ATRNL1: variants seen among roughly 807,000 people sequenced by gnomAD.
ATRNL1 encodes the protein attractin like 1.
In ATRNL1, 95 loss-of-function variants were observed where a neutral mutation model predicts 182.7. The observed-to-expected ratio is 0.52, with a 90% CI of 0.44 to 0.62. ATRNL1 has a LOEUF of 0.62. ATRNL1 is among the 20% of genes least tolerant of loss of function. The probability of loss-of-function intolerance (pLI) is 0.00; values close to 1 mark genes in which losing one functional copy is unlikely to be tolerated. For missense variants in ATRNL1, 1,471 were observed against 1,679.5 expected, an observed-to-expected ratio of 0.88 and a Z score of 2.17; for synonymous variants, 576 against 568.3, an observed-to-expected ratio of 1.01 and a Z score of -0.19.
rs1430776353 is a variant in ATRNL1 at position 115,338,329 on chromosome 10, C to G, written c.3175+3910C>G. On this transcript the variant is annotated intron_variant, in intron 19 of 28. Coordinates refer to ENST00000355044, the MANE Select transcript of ATRNL1 (RefSeq NM_207303.4). ...AACCTTCAAACTTTTCTCCATAGTA[C>G]TTGTACTAATTTACATTCTCACCAA... Among the ~76,000 whole-genome samples the G allele has an allele frequency of 3.3e-5, 5 of 152,286 alleles. No individual in the cohort carries two copies. The South Asian group carries it at 8.3e-4, about 25-fold the overall frequency.
At chr10:115,363,584 G>T (rs1170898594) in intron 19 of ATRNL1, among the ~76,000 whole-genome samples, 41 of 149,210 alleles carry the variant, frequency 2.7e-4, no homozygotes, top group African/African-American at 9.0e-4. Context: ...TGGACATGAA[G>T]TCCTTGCCCA....
rs370493517 is a variant in ATRNL1 at position 115,232,705 on chromosome 10, A to G, written c.1533-8866A>G. Among the ~76,000 whole-genome samples, 359 of 150,888 alleles carry G rather than the reference A, an allele frequency of 2.4e-3. 3 individuals are homozygous for G. The South Asian group carries it at 0.025, about 10-fold the overall frequency. ...GACTTTTGTGTGTGTGTGTGTGTGT[A>G]TGTGTGTGTGCACAACCAGAACTAT... On this transcript the variant is annotated intron_variant, in intron 9 of 28. Transcript: ENST00000355044.
chr10:115,912,347 C>T (rs1555116127), intron 28 of ATRNL1, among the ~76,000 whole-genome samples: 1 of 151,294 alleles, frequency 6.6e-6, no homozygotes, highest in Admixed American at 6.6e-5. Flanking sequence ...AACTAGTAGT[C>T]AATAAAGTAG....
intron 24 of ATRNL1, among the ~76,000 whole-genome samples, chr10:115,502,937 GAT>G (rs757584810): frequency 1.3e-5 from 2 of 152,078 alleles, no homozygotes; most frequent in Non-Finnish European, 2.9e-5. Flanking sequence ...CCTCCTCTGC[GAT>G]AGTTTTTGGG....
intron 13 of ATRNL1, among the ~76,000 whole-genome samples, chr10:115,277,447 G>A (rs1852154802): frequency 6.6e-6 from 1 of 151,954 alleles, no homozygotes; most frequent in East Asian, 1.9e-4. Context: ...TCTCTAAGTG[G>A]TTAAAAATTG....
chr10:115,549,875 CTG>C (rs1852868028), intron 26 of ATRNL1, among the ~76,000 whole-genome samples: 1 of 151,816 alleles, frequency 6.6e-6, no homozygotes. Context: ...TCATAAGCGT[CTG>C]TTGAAATTTA....
intron 19 of ATRNL1, among the ~76,000 whole-genome samples, chr10:115,389,134 C>T (rs1843830004): frequency 6.6e-6 from 1 of 152,014 alleles, no homozygotes; most frequent in Non-Finnish European, 1.5e-5. Context: ...TTTTTTAGAT[C>T]CCACATATAA....
chr10:115,115,057 G>A (rs1218441101), intron 1 of ATRNL1, among the ~76,000 whole-genome samples: 3 of 152,022 alleles, frequency 2.0e-5, no homozygotes, highest in Non-Finnish European at 2.9e-5. Flanking sequence ...CCTATAAAGG[G>A]ACAAAATCCT....
In ATRNL1 at chr10:115,281,585, A is replaced by C. The variant is rs1198373722; in HGVS notation, c.2233+98A>C. The C allele has an allele frequency of 2.4e-6, 3 of 1,240,148 alleles. No homozygotes were observed. In the East Asian group the frequency reaches 7.4e-5, roughly 30 times the overall value. 76.8% of individuals were successfully genotyped at this position (1,240,148 alleles called of 1,614,324 possible). A position where few individuals can be genotyped will look rare whatever the true frequency, so the allele number is the denominator to read the frequency against. The stretch of plus-strand genomic sequence containing the variant: ...TAAGGACACTACATTTTCTAAAATT[A>C]AAGTCATAGTAAATATCAACCTATA... On this transcript the variant is annotated intron_variant, in intron 14 of 28. Coordinates refer to ENST00000355044, the MANE Select transcript of ATRNL1 (RefSeq NM_207303.4).
chr10:115,501,528 A>G (rs1849838246), intron 24 of ATRNL1, among the ~76,000 whole-genome samples: 1 of 152,148 alleles, frequency 6.6e-6, no homozygotes, highest in African/African-American at 2.4e-5. Context: ...CCATTTCTTC[A>G]GTCATGTACT....
chr10:115,377,814 G>T lies in ATRNL1; in HGVS notation c.3176-16845G>T, dbSNP rs538794802. The stretch of plus-strand genomic sequence containing the variant: ...TGGCTGATGCTGTTTCTGTGGTAGG[G>T]TCTGAAGATGATGACACTGCTACTG... On this transcript the variant is annotated intron_variant, in intron 19 of 28. Transcript: ENST00000355044. 3.9e-5 allele frequency among the ~76,000 whole-genome samples: 6 copies of T among 152,264 alleles called. No individual in the cohort carries two copies. In the East Asian group the frequency reaches 1.2e-3, roughly 29 times the overall value.
chr10:115,254,386 G>C (rs552170383), intron 10 of ATRNL1, among the ~76,000 whole-genome samples: 8 of 152,208 alleles, frequency 5.3e-5, no homozygotes, highest in Non-Finnish European at 1.2e-4. Flanking sequence ...CTGATGACCA[G>C]TGATGATGAG....
chr10:115,850,133 A>C (rs1217130745), intron 28 of ATRNL1, among the ~76,000 whole-genome samples: 1 of 152,164 alleles, frequency 6.6e-6, no homozygotes, highest in Admixed American at 6.5e-5. Flanking sequence ...TATCTGCATC[A>C]ATTTGGAAGA....
chr10:115,894,736 T>A (rs916464291), intron 28 of ATRNL1, among the ~76,000 whole-genome samples: 1 of 152,204 alleles, frequency 6.6e-6, no homozygotes, highest in Non-Finnish European at 1.5e-5. Context: ...ATCAGTTCTT[T>A]AAAAATCCAA....
chr10:115,265,100 T>C, intron 10 of ATRNL1, 93 bp from the exon 11 acceptor site: 1 of 752,014 alleles, frequency 1.3e-6, no homozygotes, highest in African/African-American at 1.8e-5. Context: ...TTATGCATAG[T>C]GTATCTTTAA....
At chr10:115,699,607 AAAAGCAAGATAT>A (rs1319620024) in intron 26 of ATRNL1, among the ~76,000 whole-genome samples, 2 of 152,188 alleles carry the variant, frequency 1.3e-5, no homozygotes, top group Non-Finnish European at 2.9e-5. Flanking sequence ...CTGAAGTGAA[AAAAGCAAGATAT>A]AAAGGACCAT....
chr10:115,800,375 A>C (rs1949764138), intron 27 of ATRNL1, among the ~76,000 whole-genome samples: 1 of 152,200 alleles, frequency 6.6e-6, no homozygotes, highest in Admixed American at 6.5e-5. Context: ...TTTCTGCTAT[A>C]CTTCAATTTA....
At chr10:115,682,536 A>G (rs1946080647) in intron 26 of ATRNL1, among the ~76,000 whole-genome samples, 1 of 151,806 alleles carries the variant, frequency 6.6e-6, no homozygotes, top group Admixed American at 6.6e-5. Context: ...GTGAGATGCC[A>G]TCTCAAACAA....
chr10:115,735,170 T>C (rs1458333895), intron 27 of ATRNL1, among the ~76,000 whole-genome samples: 1 of 152,238 alleles, frequency 6.6e-6, no homozygotes, highest in Non-Finnish European at 1.5e-5. Flanking sequence ...AAAATGTTTC[T>C]ACTTTCCTGC....
Sources: allele counts gnomAD v4.1 joint callset (sites outside exome capture counted in the v4.1 genomes callset), GRCh38; gene constraint gnomAD v4.1.1; transcripts MANE v1.5; gene names NCBI Gene and HGNC (gene_info 2026-07-23, HGNC 2026-07-21).